Variants in SYNPO2 observed in about 807,000 individuals in gnomAD.
The protein encoded by SYNPO2 is synaptopodin 2, also known as synaptopodin-2.
Under a neutral mutation model 85.0 loss-of-function variants are expected in SYNPO2, and 56 were observed. The ratio of observed to expected loss-of-function variants is 0.66; its 90% confidence interval spans 0.53 to 0.82. The LOEUF (loss-of-function observed/expected upper bound fraction) is 0.82. Among genes scored for constraint, SYNPO2 ranks in the 40% least tolerant of loss-of-function variants. SYNPO2 has a pLI of 0.00. For missense variants in SYNPO2, 1,575 were observed against 1,534.2 expected, an observed-to-expected ratio of 1.03 and a Z score of -0.44; for synonymous variants, 602 against 591.1, an observed-to-expected ratio of 1.02 and a Z score of -0.27.
chr4:118,895,216 CTA>C (rs1732512838), intron 1 of SYNPO2, among the ~76,000 whole-genome samples: 1 of 152,124 alleles, frequency 6.6e-6, no homozygotes, highest in Admixed American at 6.5e-5. Flanking sequence ...CTATCTGACT[CTA>C]AACTCTTTCC....
intron 4 of SYNPO2, among the ~76,000 whole-genome samples, chr4:119,039,882 A>G (rs1294620049): frequency 6.6e-6 from 1 of 152,210 alleles, no homozygotes; most frequent in Admixed American, 6.5e-5. Context: ...TAGATGAGAT[A>G]AGGTGTGTAA....
chr4:119,035,555 T>C, intron 4 of SYNPO2: 1 of 985,454 alleles, frequency 1.0e-6, no homozygotes, highest in Non-Finnish European at 1.2e-6. Flanking sequence ...AACTTTGTAC[T>C]TCAAAATATA....
At chr4:118,921,703 C>A (rs1040034161) in intron 1 of SYNPO2, among the ~76,000 whole-genome samples, 3 of 152,062 alleles carry the variant, frequency 2.0e-5, no homozygotes, top group African/African-American at 7.2e-5. Flanking sequence ...TTGTCTAATT[C>A]TCTGCCTTAT....
At chr4:119,004,987 G>C (rs1736974742) in intron 1 of SYNPO2, among the ~76,000 whole-genome samples, 1 of 152,020 alleles carries the variant, frequency 6.6e-6, no homozygotes, top group Admixed American at 6.6e-5. Context: ...GTGATGATGA[G>C]CATTTTTTCA....
intron 1 of SYNPO2, among the ~76,000 whole-genome samples, chr4:118,916,541 G>C: frequency 7.0e-6 from 1 of 142,530 alleles, no homozygotes; most frequent in South Asian, 2.3e-4. Context: ...CCAAGTCTAA[G>C]AAATATAAAC....
chr4:118,943,541 T>G (rs980622191), intron 1 of SYNPO2, among the ~76,000 whole-genome samples: 2 of 152,240 alleles, frequency 1.3e-5, no homozygotes, highest in African/African-American at 4.8e-5. Flanking sequence ...TGTTTTTTCA[T>G]GCTAACATGC....
At chr4:118,863,957 T>C (rs558545783) in intron 1 of SYNPO2, among the ~76,000 whole-genome samples, 4 of 152,336 alleles carry the variant, frequency 2.6e-5, no homozygotes, top group South Asian at 2.1e-4. Context: ...TTTATTTATT[T>C]ATGCTCTGAT....
intron 1 of SYNPO2, among the ~76,000 whole-genome samples, chr4:118,916,747 T>TTC (rs1381235030): frequency 6.7e-5 from 10 of 148,384 alleles, no homozygotes; most frequent in South Asian, 2.1e-4. Context: ...TTTTTTTTTT[T>TTC]CTAGAAACAG....
intron 4 of SYNPO2, among the ~76,000 whole-genome samples, chr4:119,055,350 T>C (rs1206867122): frequency 9.9e-5 from 15 of 152,158 alleles, no homozygotes. Context: ...AGATGGGGTT[T>C]CACCATGTTG....
chr4:119,003,592 C>A (rs1320551519), intron 1 of SYNPO2, among the ~76,000 whole-genome samples: 1 of 152,166 alleles, frequency 6.6e-6, no homozygotes, highest in Non-Finnish European at 1.5e-5. Context: ...CATCCTGTTT[C>A]TGTTTCATGG....
intron 1 of SYNPO2, among the ~76,000 whole-genome samples, chr4:119,012,068 A>T (rs1578641359): frequency 6.6e-6 from 1 of 151,846 alleles, no homozygotes. Context: ...GATTACAGGT[A>T]CCTGCCACCA....
intron 4 of SYNPO2, chr4:119,042,390 T>A (rs1417820157): frequency 6.6e-6 from 1 of 152,196 alleles, no homozygotes; most frequent in African/African-American, 2.4e-5. Context: ...GGCTATTTTT[T>A]CTTATCTCTG....
intron 3 of SYNPO2, among the ~76,000 whole-genome samples, chr4:119,027,784 A>G (rs1387876008): frequency 5.3e-5 from 8 of 152,174 alleles, no homozygotes; most frequent in Admixed American, 5.2e-4. Flanking sequence ...AAAGCACTTG[A>G]AGTCATGTGG....
intron 4 of SYNPO2, chr4:119,042,644 C>T (rs1738750592): frequency 6.6e-6 from 1 of 152,200 alleles, no homozygotes; most frequent in African/African-American, 2.4e-5. Context: ...CTTTATGCAT[C>T]ATAGGGAAAG....
chr4:118,852,490 T>C (rs941499618), intron 1 of SYNPO2, among the ~76,000 whole-genome samples: 1 of 152,092 alleles, frequency 6.6e-6, no homozygotes, highest in Non-Finnish European at 1.5e-5. Flanking sequence ...CAGTGACAGA[T>C]TGGATAAAGA....
intron 1 of SYNPO2, among the ~76,000 whole-genome samples, chr4:119,003,683 G>C (rs1044280633): frequency 5.3e-5 from 8 of 151,994 alleles, no homozygotes; most frequent in Non-Finnish European, 1.2e-4. Flanking sequence ...TTTGCATTCT[G>C]CCTTTTTAGT....
intron 1 of SYNPO2, among the ~76,000 whole-genome samples, chr4:118,970,378 G>A (rs749078182): frequency 6.6e-6 from 1 of 152,160 alleles, no homozygotes; most frequent in African/African-American, 2.4e-5. Flanking sequence ...CCAGAAGTTT[G>A]ATTGTTTCTG....
At chr4:118,904,005 C>T (rs1018859350) in intron 1 of SYNPO2, among the ~76,000 whole-genome samples, 2 of 152,080 alleles carry the variant, frequency 1.3e-5, no homozygotes, top group South Asian at 2.1e-4. Flanking sequence ...CATGAGCCAC[C>T]GTGCCCCGCC....
intron 1 of SYNPO2, among the ~76,000 whole-genome samples, chr4:118,868,857 T>A (rs1731748916): frequency 6.6e-6 from 1 of 152,160 alleles, no homozygotes; most frequent in Non-Finnish European, 1.5e-5. Flanking sequence ...GAAAATGGCC[T>A]AAGTGACCTC....
Sources: allele counts gnomAD v4.1 joint callset (sites outside exome capture counted in the v4.1 genomes callset), GRCh38; gene constraint gnomAD v4.1.1; transcripts MANE v1.5; gene names NCBI Gene and HGNC (gene_info 2026-07-23, HGNC 2026-07-21).